The following DTWD2 variants were observed in gnomAD, a reference collection of about 807,000 sequenced individuals.
DTWD2 encodes DTW motif tRNA-uridine aminocarboxypropyltransferase 2, also known as tRNA-uridine aminocarboxypropyltransferase 2.
A neutral mutation model predicts 31.8 loss-of-function variants in DTWD2; 39 were observed. That is an observed-to-expected ratio of 1.22 (90% CI 0.95 to 1.60). The LOEUF (loss-of-function observed/expected upper bound fraction) is 1.60, where lower values mean the gene tolerates loss of function less well. Ranked by LOEUF, DTWD2 falls within the 40% of genes most tolerant of loss-of-function variation. DTWD2 has a pLI of 0.00. For synonymous variants in DTWD2, 180 were observed against 142.8 expected (o/e 1.26, Z -1.86); for missense variants, 515 against 381.5 (o/e 1.35, Z -2.92).
chr5:118,976,441 A>G (rs1034922242), intron 1 of DTWD2, among the ~76,000 whole-genome samples: 3 of 152,092 alleles, frequency 2.0e-5, no homozygotes, highest in Admixed American at 6.5e-5. Flanking sequence ...ATAGACTGCT[A>G]GCCAGACTAA....
intron 4 of DTWD2, among the ~76,000 whole-genome samples, chr5:118,926,392 G>C (rs1753808831): frequency 6.6e-6 from 1 of 152,140 alleles, no homozygotes; most frequent in South Asian, 2.1e-4. Context: ...GGGACTCTGG[G>C]TGGAAGGAGG....
At chr5:118,950,570 T>C (rs188979386) in intron 1 of DTWD2, among the ~76,000 whole-genome samples, 130 of 152,228 alleles carry the variant, frequency 8.5e-4, no homozygotes, top group African/African-American at 2.7e-3. Context: ...AGTTGGACAG[T>C]TCGATTTCCA....
At chr5:118,929,428 C>T (rs1753875655) in intron 3 of DTWD2, among the ~76,000 whole-genome samples, 1 of 152,092 alleles carries the variant, frequency 6.6e-6, no homozygotes, top group African/African-American at 2.4e-5. Context: ...AAGGCACACC[C>T]CAACCTGTAA....
intron 3 of DTWD2, among the ~76,000 whole-genome samples, chr5:118,929,165 G>C (rs1753870551): frequency 6.6e-6 from 1 of 152,198 alleles, no homozygotes; most frequent in South Asian, 2.1e-4. Flanking sequence ...ACCATAAAGA[G>C]AAGTTCGGTT....
intron 4 of DTWD2, among the ~76,000 whole-genome samples, chr5:118,889,190 G>A (rs186401293): frequency 6.6e-6 from 1 of 152,102 alleles, no homozygotes; most frequent in Non-Finnish European, 1.5e-5. Flanking sequence ...TTCCTCTTAG[G>A]GCCCTGACCT....
At position 118,906,456 on chromosome 5, in the gene DTWD2, T is replaced by A. The variant is rs75462037; in HGVS notation, c.597+22081A>T. On this transcript the variant is annotated intron_variant, in intron 4 of 5. Transcript: ENST00000510708. ...AACAGAAAACAACCCAAATGGTCAT[T>A]TGCAGATGCCCAGATAAACAAATTG... 3.0e-3 allele frequency among the ~76,000 whole-genome samples: 455 copies of A among 152,278 alleles called. 2 individuals are homozygous for A. The highest frequency in any genetic ancestry group is 0.01 in the African/African-American group (435 of 41,570).
At chr5:118,902,607 T>C (rs1753237459) in intron 4 of DTWD2, among the ~76,000 whole-genome samples, 1 of 152,138 alleles carries the variant, frequency 6.6e-6, no homozygotes, top group African/African-American at 2.4e-5. Flanking sequence ...TTCTGATCAA[T>C]GTAAACAGTA....
intron 4 of DTWD2, among the ~76,000 whole-genome samples, chr5:118,863,450 A>G (rs1422379691): frequency 6.6e-6 from 1 of 152,240 alleles, no homozygotes; most frequent in African/African-American, 2.4e-5. Flanking sequence ...TTCCTATAAG[A>G]AGGAATACAC....
At chr5:118,859,662 A>ATTTT (rs1752215997) in intron 4 of DTWD2, among the ~76,000 whole-genome samples, 1 of 152,168 alleles carries the variant, frequency 6.6e-6, no homozygotes, top group Non-Finnish European at 1.5e-5. Context: ...TTAATATGAA[A>ATTTT]TAGTCACACA....
In DTWD2 at chr5:118,840,766, A is replaced by C; in HGVS notation, c.*151T>G. ...GAATTTCTGTTTATTTGTATTTATG[A>C]ATATTTGGTTTACTTCCTTCTTCTG... On this transcript the variant is annotated 3_prime_UTR_variant, in exon 6 of 6. Coordinates refer to ENST00000510708, the MANE Select transcript of DTWD2 (RefSeq NM_173666.4). 2 of 725,316 alleles carry C rather than the reference A, an allele frequency of 2.8e-6. No individual in the cohort carries two copies. The highest frequency in any genetic ancestry group is 7.2e-5 in the South Asian group (2 of 27,672). 44.9% of individuals were successfully genotyped at this position (725,316 alleles called of 1,614,324 possible).
At chr5:118,881,916 T>C (rs1009129007) in intron 4 of DTWD2, among the ~76,000 whole-genome samples, 4 of 152,190 alleles carry the variant, frequency 2.6e-5, no homozygotes, top group African/African-American at 9.7e-5. Context: ...ATTCCGTCCC[T>C]GCCCCCTTGC....
intron 4 of DTWD2, among the ~76,000 whole-genome samples, chr5:118,848,857 C>A (rs150981956): frequency 0.021 from 3,239 of 152,246 alleles, 127 homozygotes; most frequent in African/African-American, 0.073. Flanking sequence ...CTTCCTTAAA[C>A]CTTATACAAA....
At chr5:118,918,420 G>A (rs765383067) in intron 4 of DTWD2, among the ~76,000 whole-genome samples, 27 of 150,614 alleles carry the variant, frequency 1.8e-4, no homozygotes, top group Admixed American at 1.2e-3. Context: ...TCCGCCTCCT[G>A]GTGAACACTA....
At chr5:118,930,577 G>A (rs35241642) in intron 3 of DTWD2, among the ~76,000 whole-genome samples, 3 of 152,152 alleles carry the variant, frequency 2.0e-5, no homozygotes, top group East Asian at 1.9e-4. Flanking sequence ...GAAATAGCCC[G>A]CAGCATTCTC....
chr5:118,870,130 G>T (rs1312468549), intron 4 of DTWD2, among the ~76,000 whole-genome samples: 1 of 152,134 alleles, frequency 6.6e-6, no homozygotes, highest in African/African-American at 2.4e-5. Context: ...ACAGCCTGAA[G>T]AACCATGAGC....
rs1445490359 is a variant in DTWD2, at chr5:118,841,074, G to A, written c.740C>T (p.Pro247Leu). 2 of 1,611,488 alleles carry A rather than the reference G, an allele frequency of 1.2e-6. No homozygotes were observed. Among genetic ancestry groups the A allele is most frequent in the South Asian group, 1.1e-5 (1 of 90,750 alleles). The stretch of plus-strand genomic sequence containing the variant: ...TTGAAAGGAGCATAAAGCTTGAAGA[G>A]GGCGAAGCAAAGTCTGTCAAGAGAA... ...NNYIQETLLR[P>L]LQALCSFQLQ... Residue 247 changes from proline to leucine, a missense_variant, in exon 6 of 6, where the codon CCT becomes CTT. Physicochemically the swap from Pro to Leu is moderately conservative, Grantham distance 98 (BLOSUM62 -3). Transcript: ENST00000510708.
chr5:118,972,804 C>T (rs1223017947), intron 1 of DTWD2, among the ~76,000 whole-genome samples: 1 of 152,168 alleles, frequency 6.6e-6, no homozygotes, highest in Admixed American at 6.5e-5. Context: ...TCCCTGGGAT[C>T]CAAGGTTGGT....
intron 4 of DTWD2, among the ~76,000 whole-genome samples, chr5:118,858,583 G>C (rs1304733655): frequency 6.6e-6 from 1 of 152,156 alleles, no homozygotes; most frequent in African/African-American, 2.4e-5. Flanking sequence ...TATGTATTAT[G>C]CAGATTCCAG....
At chr5:118,842,224 T>C (rs1751735131) in intron 5 of DTWD2, among the ~76,000 whole-genome samples, 1 of 152,206 alleles carries the variant, frequency 6.6e-6, no homozygotes, top group Non-Finnish European at 1.5e-5. Flanking sequence ...TTCTCCCTTA[T>C]TAAAATAATT....
Sources: gnomAD v4.1 joint callset for allele counts (sites outside exome capture counted in the v4.1 genomes callset) on GRCh38, gnomAD v4.1.1 for gene constraint, MANE v1.5 for transcripts, NCBI Gene and HGNC (gene_info 2026-07-23, HGNC 2026-07-21) for gene names.